The following DLC1 variants were observed in gnomAD, a reference collection of about 807,000 sequenced individuals.
DLC1 encodes the protein DLC1 Rho GTPase activating protein.
DLC1 carries 54 observed loss-of-function variants against 140.3 expected under a neutral mutation model. That is an observed-to-expected ratio of 0.38 (90% confidence interval 0.31 to 0.48). The LOEUF is 0.48. Ranked by LOEUF, DLC1 falls within the 20% of genes least tolerant of loss-of-function variation. The pLI is 0.96. For synonymous variants in DLC1, 986 were observed against 728.1 expected (o/e 1.35, Z -5.70); for missense variants, 2,536 against 1,907.0 (o/e 1.33, Z -6.14).
intron 1 of DLC1, among the ~76,000 whole-genome samples, chr8:13,532,881 G>A (rs538130219): frequency 6.6e-6 from 1 of 152,258 alleles, no homozygotes; most frequent in East Asian, 1.9e-4. Flanking sequence ...AATTCTTCAT[G>A]TTAACCCCAA....
intron 5 of DLC1, among the ~76,000 whole-genome samples, chr8:13,212,687 C>T (rs138914028): frequency 5.3e-5 from 8 of 152,196 alleles, no homozygotes; most frequent in African/African-American, 1.7e-4. Context: ...GTATTATTGA[C>T]GGTGCTTGTG....
rs201203380 is a variant in DLC1 at position 13,505,388 on chromosome 8, C to T, written c.-125-5192G>A. Among the ~76,000 whole-genome samples the T allele has an allele frequency of 5.3e-5, 8 of 152,024 alleles. No individual in the cohort carries two copies. In the East Asian group the frequency reaches 9.7e-4, roughly 18 times the overall value. On this transcript the variant is annotated intron_variant, in intron 1 of 17. Coordinates refer to ENST00000276297, the MANE Select transcript of DLC1 (RefSeq NM_182643.3). ...AGTACAATCATATTGTTTAGAAATA[C>T]AGAGTTAAATATCAGAAGACATAGC...
At chr8:13,560,732 G>A (rs1375822980) in intron 1 of DLC1, among the ~76,000 whole-genome samples, 1 of 152,130 alleles carries the variant, frequency 6.6e-6, no homozygotes, top group Admixed American at 6.5e-5. Flanking sequence ...GAAGCCATTT[G>A]AATAGGTGTT....
rs535611192 is a variant in DLC1, at chr8:13,147,727, C to T, written c.1349-32070G>A. Among the ~76,000 whole-genome samples the T allele has an allele frequency of 2.2e-4, 34 of 152,110 alleles. 1 individual carries two copies. The South Asian group carries it at 7.1e-3, about 32-fold the overall frequency. ...TTTATTGGCTGGGCATGGTGGCTCA[C>T]GCTTGTAATCCCAGCACTCTGGGAG... is the stretch of plus-strand genomic sequence containing the variant. On this transcript the variant is annotated intron_variant, in intron 5 of 17. Transcript: ENST00000276297.
intron 5 of DLC1, among the ~76,000 whole-genome samples, chr8:13,293,104 C>T (rs995135064): frequency 3.3e-5 from 5 of 152,100 alleles, no homozygotes; most frequent in Admixed American, 6.6e-5. Context: ...GTGGTGCATG[C>T]GTGTAGTCCC....
At chr8:13,235,268 T>C (rs190601888) in intron 5 of DLC1, among the ~76,000 whole-genome samples, 1 of 152,218 alleles carries the variant, frequency 6.6e-6, no homozygotes, top group Admixed American at 6.5e-5. Context: ...GGCCACTCAG[T>C]AGGCCAGTGA....
chr8:13,567,829 G>T, intron 1 of DLC1: 3 of 1,551,854 alleles, frequency 1.9e-6, no homozygotes, highest in Non-Finnish European at 2.6e-6. Context: ...TGAAAGATCA[G>T]AGACAGAGCA....
intron 5 of DLC1, chr8:13,305,004 T>G (rs1055292091): frequency 1.3e-5 from 14 of 1,100,816 alleles, no homozygotes; most frequent in Non-Finnish European, 1.3e-5. Flanking sequence ...TTCTTTTGCT[T>G]AAGAAAAAAA....
In DLC1 at chr8:13,092,773, C is replaced by G. The variant is rs756018606; in HGVS notation, c.3579G>C (p.Leu1193=). The change falls in exon 13 of 18, where the codon CTG becomes CTC. Residue 1193 remains leucine (L), a synonymous_variant. Coordinates refer to ENST00000276297, the MANE Select transcript of DLC1 (RefSeq NM_182643.3). The stretch of plus-strand genomic sequence containing the variant: ...GCAGAACCTCCCGGTTCTCGTCAGG[C>G]AGCAGCATGATGGCAGCCTTGATGG... ...LQAIKAAIML[L]PDENREVLQT... is the part of the protein sequence containing the mutation. 2.5e-5 allele frequency: 41 copies of G among 1,613,994 alleles called. No homozygotes were observed. The highest frequency in any genetic ancestry group is 3.5e-5 in the Non-Finnish European group (41 of 1,180,026).
At chr8:13,251,494 T>C (rs974951814) in intron 5 of DLC1, among the ~76,000 whole-genome samples, 1 of 152,174 alleles carries the variant, frequency 6.6e-6, no homozygotes, top group African/African-American at 2.4e-5. Flanking sequence ...ATTTTATTTA[T>C]AATTTTAGTT....
At chr8:13,578,931 G>T (rs1804944982) in intron 1 of DLC1, among the ~76,000 whole-genome samples, 1 of 151,904 alleles carries the variant, frequency 6.6e-6, no homozygotes, top group Non-Finnish European at 1.5e-5. Flanking sequence ...CCCCTCCCCA[G>T]AGGTTGAGGG....
At chr8:13,565,174 T>C (rs1399795713) in intron 1 of DLC1, among the ~76,000 whole-genome samples, 2 of 152,154 alleles carry the variant, frequency 1.3e-5, no homozygotes, top group Admixed American at 6.5e-5. Context: ...AAATTAATTA[T>C]AGAATTTCCC....
At position 13,090,432 on chromosome 8, in the gene DLC1, G is replaced by C. The variant is rs780773136; in HGVS notation, c.3894C>G (p.Thr1298=). 2.5e-6 allele frequency: 4 copies of C among 1,614,120 alleles called. No homozygotes were observed. The highest frequency in any genetic ancestry group is 1.7e-5 in the Admixed American group (1 of 60,006). ...EEMSRCRNSY[T]EQELKPLTLE... The stretch of plus-strand genomic sequence containing the variant: ...GAGTGAGGGGCTTCAGCTCTTGTTC[G>C]GTATAGGAATTACGACATCGGCTCA... Residue 1298 remains threonine (T), a synonymous_variant, in exon 15 of 18, where the codon ACC becomes ACG. Transcript: ENST00000276297.
chr8:13,351,587 A>T (rs948770176), intron 4 of DLC1, among the ~76,000 whole-genome samples: 20 of 152,266 alleles, frequency 1.3e-4, no homozygotes, highest in African/African-American at 4.6e-4. Flanking sequence ...ACAAGAACAC[A>T]TAGTGTCCAC....
chr8:13,582,747 C>A (rs984086201), intron 1 of DLC1, among the ~76,000 whole-genome samples: 1 of 151,150 alleles, frequency 6.6e-6, no homozygotes, highest in East Asian at 1.9e-4. Flanking sequence ...TAATACAGTA[C>A]AGGAACTCAC....
At chr8:13,245,844 G>T (rs1829741611) in intron 5 of DLC1, among the ~76,000 whole-genome samples, 1 of 152,084 alleles carries the variant, frequency 6.6e-6, no homozygotes, top group African/African-American at 2.4e-5. Flanking sequence ...GGGATTACAG[G>T]TGCCCACCAC....
chr8:13,545,244 A>G (rs1055619870), intron 1 of DLC1, among the ~76,000 whole-genome samples: 3 of 151,694 alleles, frequency 2.0e-5, no homozygotes, highest in African/African-American at 4.8e-5. Flanking sequence ...CTCAAATTAG[A>G]GCATAATATT....
intron 1 of DLC1, among the ~76,000 whole-genome samples, chr8:13,599,644 A>G (rs1259470114): frequency 6.6e-6 from 1 of 152,002 alleles, no homozygotes; most frequent in Admixed American, 6.6e-5. Context: ...AATGAGAGAT[A>G]TTAACAAAGG....
At chr8:13,485,313 AAAC>A (rs1399298251) in intron 2 of DLC1, among the ~76,000 whole-genome samples, 7 of 152,204 alleles carry the variant, frequency 4.6e-5, no homozygotes, top group Admixed American at 4.6e-4. Flanking sequence ...CATCATAAAC[AAAC>A]AATAGGCTTA....
Sources: gnomAD v4.1 joint callset for allele counts (sites outside exome capture counted in the v4.1 genomes callset) on GRCh38, gnomAD v4.1.1 for gene constraint, MANE v1.5 for transcripts, NCBI Gene and HGNC (gene_info 2026-07-23, HGNC 2026-07-21) for gene names.